The following PDE1C variants were observed in gnomAD, a reference collection of about 807,000 sequenced individuals.
The protein encoded by PDE1C is phosphodiesterase 1C.
A neutral mutation model predicts 93.1 loss-of-function variants in PDE1C; 62 were observed. The ratio of observed to expected loss-of-function variants is 0.67; its 90% CI spans 0.54 to 0.82. PDE1C has a LOEUF of 0.82. PDE1C is among the 40% of genes least tolerant of loss of function. The pLI is 0.00. For synonymous variants in PDE1C, 325 were observed against 310.1 expected (o/e 1.05, Z -0.50); for missense variants, 742 against 884.6 (o/e 0.84, Z 2.04).
intron 2 of PDE1C, among the ~76,000 whole-genome samples, chr7:31,969,931 G>T (rs946590254): frequency 2.6e-5 from 4 of 151,984 alleles, no homozygotes; most frequent in Admixed American, 1.3e-4. Context: ...TCATAGGTGG[G>T]AATTGAACAA....
At chr7:31,804,871 C>G (rs1020100663) in intron 16 of PDE1C, among the ~76,000 whole-genome samples, 4 of 151,740 alleles carry the variant, frequency 2.6e-5, no homozygotes, top group African/African-American at 9.7e-5. Flanking sequence ...TAATGCTGGA[C>G]AAAGAGATGA....
chr7:32,122,245 A>G (rs1799342257), intron 3 of PDE1C, among the ~76,000 whole-genome samples: 1 of 152,234 alleles, frequency 6.6e-6, no homozygotes, highest in African/African-American at 2.4e-5. Flanking sequence ...ACCTACAAAG[A>G]GACTTAGACT....
chr7:31,833,754 G>C (rs1446150275), intron 11 of PDE1C, among the ~76,000 whole-genome samples: 1 of 152,192 alleles, frequency 6.6e-6, no homozygotes, highest in Non-Finnish European at 1.5e-5. Flanking sequence ...GCTGTTAAAA[G>C]CATTCGGTTT....
upstream of PDE1C, among the ~76,000 whole-genome samples, chr7:32,300,161 A>AC (rs1585096359): frequency 1.3e-5 from 2 of 151,578 alleles, no homozygotes; most frequent in East Asian, 3.9e-4. Context: ...GCCCATTAAA[A>AC]CCCCCAAGCC....
chr7:31,707,382 G>A, the PDE1C span: 28 of 1,049,834 alleles, frequency 2.7e-5, no homozygotes, highest in Admixed American at 3.9e-4. Context: ...TTTTGTCATC[G>A]TCTGACTTGA....
At chr7:32,237,372 A>G (rs1808186582) in intron 1 of PDE1C, among the ~76,000 whole-genome samples, 1 of 152,080 alleles carries the variant, frequency 6.6e-6, no homozygotes, top group African/African-American at 2.4e-5. Flanking sequence ...AAATAATAAA[A>G]TTATAATGTC....
intron 2 of PDE1C, among the ~76,000 whole-genome samples, chr7:31,900,089 T>C (rs12701154): frequency 0.13 from 19,238 of 152,190 alleles, 1,549 homozygotes; most frequent in South Asian, 0.2. Context: ...AGCAATACCA[T>C]TGGCTAAATG....
At chr7:31,747,962 G>A (rs1377472848), downstream of PDE1C, among the ~76,000 whole-genome samples, 2 of 150,152 alleles carry the variant, frequency 1.3e-5, no homozygotes, top group Non-Finnish European at 3.0e-5. Flanking sequence ...CAGAGTTCAG[G>A]CTCCTCCCAT....
rs1326683058 is a variant in PDE1C at position 31,794,085 on chromosome 7, C to CAGATAGATAGATAGATAGATAGAT, written c.1891+14945_1891+14946insATCTATCTATCTATCTATCTATCT. On this transcript the variant is annotated intron_variant, in intron 16 of 17. Coordinates refer to ENST00000396191, the MANE Select transcript of PDE1C (RefSeq NM_001191057.4). ...ACAGACAGACAGACAGACAGACAGA[C>CAGATAGATAGATAGATAGATAGAT]AGACAGATAGATAGACAGATAGATG... Among the ~76,000 whole-genome samples, 62 of 137,352 alleles carry CAGATAGATAGATAGATAGATAGAT rather than the reference C, an allele frequency of 4.5e-4. 1 individual carries two copies. The highest frequency in any genetic ancestry group is 1.7e-3 in the South Asian group (7 of 4,190). 90.1% of individuals were successfully genotyped at this position (137,352 alleles called of 152,430 possible). A position where few individuals can be genotyped will look rare whatever the true frequency, so the allele number is the denominator to read the frequency against.
chr7:31,877,116 A>C (rs2128872556), intron 5 of PDE1C, among the ~76,000 whole-genome samples: 1 of 152,344 alleles, frequency 6.6e-6, no homozygotes, highest in Non-Finnish European at 1.5e-5. Flanking sequence ...AATGTCCCTA[A>C]GCACATGGCC....
intron 5 of PDE1C, 28 bp downstream of exon 5, chr7:31,877,942 C>A (rs1796792863): frequency 4.7e-6 from 7 of 1,492,142 alleles, no homozygotes; most frequent in Non-Finnish European, 5.6e-6. Context: ...GTACCATGTA[C>A]ATTGTAAAAT....
chr7:31,783,813 T>C (rs946177682), intron 16 of PDE1C: 5 of 152,212 alleles, frequency 3.3e-5, no homozygotes, highest in Non-Finnish European at 4.4e-5. Flanking sequence ...TCAGAATGGA[T>C]GGCCATTCTT....
intron 1 of PDE1C, among the ~76,000 whole-genome samples, chr7:32,226,827 A>C (rs1179012219): frequency 6.6e-6 from 1 of 152,160 alleles, no homozygotes; most frequent in Non-Finnish European, 1.5e-5. Context: ...CAATATATTA[A>C]TACATCACCA....
chr7:31,823,163 C>T lies in PDE1C; in HGVS notation c.1492G>A (p.Val498Ile), dbSNP rs772591897. 1 of 1,613,360 alleles carries T rather than the reference C, an allele frequency of 6.2e-7. No individual in the cohort carries two copies. The highest frequency in any genetic ancestry group is 8.5e-7 in the Non-Finnish European group (1 of 1,179,526). The change falls in exon 14 of 18, where the codon GTC becomes ATC. Residue 498 changes from valine (V) to isoleucine (I), a missense_variant. Coordinates refer to ENST00000396191, the MANE Select transcript of PDE1C (RefSeq NM_001191057.4). Reference sequence around the variant, plus strand: ...AAGCTCTTATAGTCAACGGAGATGACAGAATTGTTGATCGGGGCACTTCCC... The same window carrying T: ...AAGCTCTTATAGTCAACGGAGATGATAGAATTGTTGATCGGGGCACTTCCC... ...SEGSAPINNS[V>I]ISVDYKSFKA...
chr7:31,891,172 C>T (rs905987964), intron 2 of PDE1C, among the ~76,000 whole-genome samples: 2 of 152,124 alleles, frequency 1.3e-5, no homozygotes, highest in Admixed American at 6.5e-5. Context: ...AGGACATGTG[C>T]GAGAGGTTTT....
chr7:32,136,550 A>G (rs1032575434), intron 3 of PDE1C, among the ~76,000 whole-genome samples: 1 of 152,158 alleles, frequency 6.6e-6, no homozygotes. Context: ...ACATATTAAA[A>G]TACCCAATAA....
chr7:32,169,989 A>G, intron 2 of PDE1C: 4 of 1,590,394 alleles, frequency 2.5e-6, no homozygotes, highest in Non-Finnish European at 3.4e-6. Flanking sequence ...ATGCAGGTGA[A>G]TCATCCACCA....
intron 2 of PDE1C, among the ~76,000 whole-genome samples, chr7:31,971,942 T>TG (rs1811020985): frequency 6.6e-6 from 1 of 152,226 alleles, no homozygotes; most frequent in African/African-American, 2.4e-5. Context: ...TAGTCTTGGG[T>TG]GTCCAACACC....
At chr7:31,946,118 AT>A (rs1161622677) in intron 2 of PDE1C, among the ~76,000 whole-genome samples, 2 of 151,988 alleles carry the variant, frequency 1.3e-5, no homozygotes, top group Non-Finnish European at 2.9e-5. Flanking sequence ...AATCATAGTT[AT>A]TTTTTTACTC....
Sources: gnomAD v4.1 joint callset for allele counts (sites outside exome capture counted in the v4.1 genomes callset) on GRCh38, gnomAD v4.1.1 for gene constraint, MANE v1.5 for transcripts, NCBI Gene and HGNC (gene_info 2026-07-23, HGNC 2026-07-21) for gene names.